Variants in DNAH17 observed in about 807,000 individuals in gnomAD.
DNAH17 encodes axonemal beta dynein heavy chain 17.
In DNAH17, 376 loss-of-function variants were observed where a neutral mutation model predicts 485.6. The ratio of observed to expected loss-of-function variants is 0.77; its 90% confidence interval spans 0.71 to 0.84. The LOEUF is 0.84. DNAH17 is among the 40% of genes least tolerant of loss of function. DNAH17 has a pLI of 0.00. For synonymous variants in DNAH17, 3,031 were observed against 2,405.9 expected (o/e 1.26, Z -7.60); for missense variants, 6,370 against 5,839.3 (o/e 1.09, Z -2.96).
rs2289752 is a variant in DNAH17, at chr17:78,450,295, C to T, written c.10999G>A (p.Asp3667Asn). Residue 3667 changes from aspartate to asparagine, a missense_variant, in exon 68 of 81, where the codon GAT becomes AAT. Asp to Asn is a conservative substitution (Grantham distance 23). Coordinates refer to ENST00000389840, the MANE Select transcript of DNAH17 (RefSeq NM_173628.4). ...TAGACGGGGTTGATTTTGTTGAGAT[C>T]GTTCAGTATGAAGTAGAGCAGAGAT... ...RASLLYFILN[D>N]LNKINPVYQF... is the part of the protein sequence containing the mutation. The T allele has an allele frequency of 2.2e-3, 3,587 of 1,613,972 alleles. 65 individuals carry two copies. The East Asian group carries it at 0.037, about 17-fold the overall frequency.
In DNAH17 at chr17:78,541,385, ATGGATGGATGGATGGGTGGATGGT is replaced by A. The variant is rs1488685115; in HGVS notation, c.2533-1529_2533-1506del. 1.7e-3 allele frequency among the ~76,000 whole-genome samples: 249 copies of A among 145,988 alleles called. 1 individual carries two copies. The highest frequency in any genetic ancestry group is 5.6e-3 in the African/African-American group (219 of 39,268). On this transcript the variant is annotated intron_variant, in intron 17 of 80. Transcript: ENST00000389840. ...GGTGGGTAGATGTGTAAGTGGATGGATGGATGGATGGATGGGTGGATGGTTGGATGGATGGATGAATCTCTAGGA... is the reference window on the plus strand; with the variant it reads ...GGTGGGTAGATGTGTAAGTGGATGGATGGATGGATGGATGAATCTCTAGGA...
chr17:78,476,624 T>A lies in DNAH17; in HGVS notation c.8102A>T (p.Asp2701Val). ...GGTGACTCTATGCAATGTTTCCTGG[T>A]CTTTTTCGTCAACCATTTTGTCACC... ...VYGDKMVDEK[D>V]QETLHRVTMA... The change falls in exon 52 of 81, where the codon GAC becomes GTC. Residue 2701 changes from aspartate (D) to valine (V), a missense_variant. Transcript: ENST00000389840. 1 of 1,611,826 alleles carries A rather than the reference T, an allele frequency of 6.2e-7. No individual in the cohort carries two copies. Among genetic ancestry groups the A allele is most frequent in the Non-Finnish European group, 8.5e-7 (1 of 1,178,976 alleles).
rs2143384199 is a variant in DNAH17, at chr17:78,537,324, A to G, written c.2834T>C (p.Leu945Pro). 1 of 1,581,410 alleles carries G rather than the reference A, an allele frequency of 6.3e-7. No homozygotes were observed. Among genetic ancestry groups the G allele is most frequent in the South Asian group, 1.2e-5 (1 of 86,644 alleles). Residue 945 changes from leucine (L) to proline (P), a missense_variant, in exon 19 of 81, where the codon CTG (leucine) becomes CCG (proline). Physicochemically the swap from Leu to Pro is moderately conservative, Grantham distance 98. Transcript: ENST00000389840. ...CTTGTAGTTCATCCTGTCCTTGGCC[A>G]GCCGAGGGATGAGCCTGGCTACGTT... ...IYNVARLIPR[L>P]AKDRMNYKMD... is the part of the protein sequence containing the mutation.
chr17:78,495,806 T>A (rs1057011726), intron 38 of DNAH17, 69 bp downstream of exon 38: 15 of 1,556,870 alleles, frequency 9.6e-6, no homozygotes, highest in South Asian at 2.4e-5. Flanking sequence ...TGCCCACTCC[T>A]TGGCACTGGG....
At chr17:78,569,616 T>C in intron 7 of DNAH17, 89 bp from the exon 8 acceptor site, 2 of 1,435,272 alleles carry the variant, frequency 1.4e-6, no homozygotes, top group Non-Finnish European at 9.3e-7. Flanking sequence ...CTGTGATCTG[T>C]TCTGACATAT....
At chr17:78,534,168 C>G (rs992006332) in intron 19 of DNAH17, among the ~76,000 whole-genome samples, 1 of 152,250 alleles carries the variant, frequency 6.6e-6, no homozygotes, top group Non-Finnish European at 1.5e-5. Context: ...AGTATTTCCC[C>G]TGCCCTAAAT....
intron 62 of DNAH17, among the ~76,000 whole-genome samples, chr17:78,456,321 A>G (rs1334007492): frequency 6.6e-6 from 1 of 150,556 alleles, no homozygotes; most frequent in African/African-American, 2.4e-5. Flanking sequence ...AAAACAAAAA[A>G]TAAAACAAAC....
chr17:78,460,272 G>A lies in DNAH17; in HGVS notation c.9340-15C>T, dbSNP rs772496632. The A allele has an allele frequency of 4.4e-5, 70 of 1,576,276 alleles. No individual in the cohort carries two copies. The highest frequency in any genetic ancestry group is 5.6e-5 in the Non-Finnish European group (65 of 1,159,694). ...TCAGTGACGTTCTGGAAGGAAGATG[G>A]ACAGGAGAGGTTACTGCAGGCCTGT... On this transcript the variant is annotated splice_polypyrimidine_tract_variant and intron_variant, in intron 58 of 80. Coordinates refer to ENST00000389840, the MANE Select transcript of DNAH17 (RefSeq NM_173628.4).
chr17:78,526,702 G>GCAAGGAGAACGGGGCCTCA lies in DNAH17; in HGVS notation c.3659_3660insTGAGGCCCCGTTCTCCTTG (p.Phe1226LeufsTer18). ...GGTCGCTGAAGGAGAACGGGGCCTCGCGCCTGAACCTCTCCCTGAACTCAT... is the reference window on the plus strand; with the variant it reads ...GGTCGCTGAAGGAGAACGGGGCCTCGCAAGGAGAACGGGGCCTCACGCCTGAACCTCTCCCTGAACTCAT... On this transcript the variant is annotated frameshift_variant, in exon 24 of 81. Coordinates refer to ENST00000389840, the MANE Select transcript of DNAH17 (RefSeq NM_173628.4). LOFTEE classifies it high-confidence loss of function. 6.2e-7 allele frequency: 1 copy of GCAAGGAGAACGGGGCCTCA among 1,610,768 alleles called. No individual in the cohort carries two copies. Among genetic ancestry groups the GCAAGGAGAACGGGGCCTCA allele is most frequent in the Middle Eastern group, 1.7e-4 (1 of 6,018 alleles).
intron 16 of DNAH17, among the ~76,000 whole-genome samples, chr17:78,544,683 T>G (rs2091703703): frequency 6.6e-6 from 1 of 151,076 alleles, no homozygotes; most frequent in Admixed American, 6.6e-5. Context: ...GCACCTGTAG[T>G]CCCAGCTACC....
intron 26 of DNAH17, among the ~76,000 whole-genome samples, chr17:78,511,427 C>T (rs1474053463): frequency 6.6e-6 from 1 of 152,202 alleles, no homozygotes; most frequent in African/African-American, 2.4e-5. Context: ...CTGTTTTAAG[C>T]CTCCTGGTTT....
At chr17:78,432,259 T>C (rs2086702590) in intron 75 of DNAH17, among the ~76,000 whole-genome samples, 1 of 152,152 alleles carries the variant, frequency 6.6e-6, no homozygotes, top group Non-Finnish European at 1.5e-5. Context: ...CCCAAACTAG[T>C]CTCTGCGTGG....
chr17:78,479,265 C>G (rs2089242957), intron 50 of DNAH17, 149 bp from the exon 51 acceptor site: 3 of 1,016,088 alleles, frequency 3.0e-6, no homozygotes, highest in Non-Finnish European at 4.3e-6. Context: ...AGGGAATTTG[C>G]TGTTCTCCTT....
intron 69 of DNAH17, 93 bp downstream of exon 69, chr17:78,449,321 G>T: frequency 1.5e-6 from 2 of 1,335,570 alleles, no homozygotes; most frequent in Non-Finnish European, 2.1e-6. Context: ...GTTTGGGTGG[G>T]GGCCCAACAA....
At position 78,484,909 on chromosome 17, in the gene DNAH17, G is replaced by T. The variant is rs551908245; in HGVS notation, c.7608C>A (p.Ala2536=). The T allele has an allele frequency of 8.4e-5, 134 of 1,593,938 alleles. No homozygotes were observed. The East Asian group carries it at 3.0e-3, about 35-fold the overall frequency. The change falls in exon 48 of 81, where the codon GCC becomes GCA. Residue 2536 remains alanine (A), a synonymous_variant. Coordinates refer to ENST00000389840, the MANE Select transcript of DNAH17 (RefSeq NM_173628.4). ...MPEVDKYGTV[A]PHTLIRQHMD... is the part of the protein sequence containing the mutation. ...TGTGCTGCCGGATGAGGGTGTGCGG[G>T]GCCACCGTCCCATACTTGTCCACCT... is the stretch of plus-strand genomic sequence containing the variant.
chr17:78,459,725 C>T, intron 60 of DNAH17, 59 bp downstream of exon 60: 1 of 1,595,868 alleles, frequency 6.3e-7, no homozygotes, highest in Non-Finnish European at 8.6e-7. Flanking sequence ...CAGCATCGTG[C>T]CTTGGCCTGA....
At chr17:78,477,901 T>C (rs1358976321) in intron 51 of DNAH17, among the ~76,000 whole-genome samples, 6 of 149,426 alleles carry the variant, frequency 4.0e-5, no homozygotes, top group African/African-American at 1.5e-4. Context: ...ATCACCACCA[T>C]CATCATTACC....
At chr17:78,477,472 G>C (rs2089085551) in intron 51 of DNAH17, among the ~76,000 whole-genome samples, 1 of 152,114 alleles carries the variant, frequency 6.6e-6, no homozygotes. Flanking sequence ...TCTGCCTCCT[G>C]GGTTCAAGTG....
rs768990159 is a variant in DNAH17 at position 78,426,896 on chromosome 17, G to T, written c.12771+30C>A. 2.4e-5 allele frequency: 38 copies of T among 1,576,806 alleles called. No individual in the cohort carries two copies. In the East Asian group the frequency reaches 4.9e-4, roughly 20 times the overall value. On this transcript the variant is annotated intron_variant, in intron 78 of 80. Coordinates refer to ENST00000389840, the MANE Select transcript of DNAH17 (RefSeq NM_173628.4). ...TCTGCTGGTTTCACCATCCAGCCAC[G>T]TCCCTGGGGCCGGGCTGACCCATGT...
Sources: gnomAD v4.1 joint callset for allele counts (sites outside exome capture counted in the v4.1 genomes callset) on GRCh38, gnomAD v4.1.1 for gene constraint, MANE v1.5 for transcripts, NCBI Gene and HGNC (gene_info 2026-07-23, HGNC 2026-07-21) for gene names.